VWA8: variants seen among roughly 807,000 people sequenced by gnomAD.
VWA8 encodes the protein von Willebrand factor A domain containing 8, also known as von Willebrand factor A domain-containing protein 8.
A neutral mutation model predicts 241.5 loss-of-function variants in VWA8; 221 were observed. The observed-to-expected ratio is 0.91, with a 90% CI of 0.82 to 1.02. The LOEUF (loss-of-function observed/expected upper bound fraction) is 1.02, where lower values mean the gene tolerates loss of function less well. Among genes scored for constraint, VWA8 ranks in the 50% least tolerant of loss-of-function variants. VWA8 has a pLI of 0.00. For missense variants in VWA8, 2,322 were observed against 2,328.7 expected, an observed-to-expected ratio of 1.00 and a Z score of 0.06; for synonymous variants, 852 against 827.1, an observed-to-expected ratio of 1.03 and a Z score of -0.52.
intron 17 of VWA8, among the ~76,000 whole-genome samples, chr13:41,808,343 C>A (rs181020676): frequency 6.6e-6 from 1 of 152,070 alleles, no homozygotes; most frequent in East Asian, 1.9e-4. Context: ...TGGTGCTGTA[C>A]AGGACACATG....
At chr13:41,792,165 C>G (rs1227302508) in intron 17 of VWA8, among the ~76,000 whole-genome samples, 1 of 151,812 alleles carries the variant, frequency 6.6e-6, no homozygotes, top group Non-Finnish European at 1.5e-5. Flanking sequence ...TCTATTCATT[C>G]TTTGCCCATT....
rs2044273056 is a variant in VWA8, at chr13:41,568,115, C to T, written c.*82G>A. 2 of 1,194,338 alleles carry T rather than the reference C, an allele frequency of 1.7e-6. No homozygotes were observed. The highest frequency in any genetic ancestry group is 2.5e-6 in the Non-Finnish European group (2 of 812,146). 74.0% of individuals were successfully genotyped at this position (1,194,338 alleles called of 1,614,324 possible). On this transcript the variant is annotated 3_prime_UTR_variant, in exon 45 of 45. Transcript: ENST00000379310. The stretch of plus-strand genomic sequence containing the variant: ...CAGTCACTGCATGGGTTCACTTCAT[C>T]CATATCTTCTTTTTTTCAGAATACT...
At chr13:41,850,127 T>A (rs934596935) in intron 12 of VWA8, among the ~76,000 whole-genome samples, 3 of 152,176 alleles carry the variant, frequency 2.0e-5, no homozygotes, top group Admixed American at 1.3e-4. Flanking sequence ...GATTCCTTGG[T>A]CATTTTACCT....
At chr13:41,821,343 G>T (rs781043892) in intron 14 of VWA8, among the ~76,000 whole-genome samples, 1 of 152,126 alleles carries the variant, frequency 6.6e-6, no homozygotes, top group African/African-American at 2.4e-5. Context: ...AACAGTCACC[G>T]AACTACTGAA....
intron 39 of VWA8, among the ~76,000 whole-genome samples, chr13:41,608,241 C>A (rs9566809): frequency 0.065 from 9,932 of 152,114 alleles, 410 homozygotes; most frequent in East Asian, 0.15. Context: ...AAACCATATT[C>A]CAGATTGTGT....
chr13:41,588,550 A>G (rs921371599), intron 41 of VWA8, among the ~76,000 whole-genome samples: 1 of 152,092 alleles, frequency 6.6e-6, no homozygotes, highest in Middle Eastern at 3.2e-3. Context: ...GCAAGAACTC[A>G]TCTCTACAAA....
intron 19 of VWA8, 27 bp from the exon 20 acceptor site, chr13:41,778,083 C>A (rs760338466): frequency 6.4e-7 from 1 of 1,556,224 alleles, no homozygotes; most frequent in Non-Finnish European, 8.7e-7. Context: ...TAGGGGTTAA[C>A]TGTTTTGTAC....
At chr13:41,703,468 A>G in intron 26 of VWA8, 57 bp from the exon 27 acceptor site, 1 of 1,471,364 alleles carries the variant, frequency 6.8e-7, no homozygotes, top group Non-Finnish European at 9.5e-7. Flanking sequence ...TCATAGAAAA[A>G]AATAACACGG....
intron 2 of VWA8, among the ~76,000 whole-genome samples, chr13:41,940,485 CA>C (rs1877548951): frequency 6.6e-6 from 1 of 151,452 alleles, no homozygotes; most frequent in Non-Finnish European, 1.5e-5. Context: ...AATCTCTAAT[CA>C]ATCAAGCAAC....
In VWA8 at chr13:41,568,153, C is replaced by T; in HGVS notation, c.*44G>A. 1 of 1,501,908 alleles carries T rather than the reference C, an allele frequency of 6.7e-7. No homozygotes were observed. Among genetic ancestry groups the T allele is most frequent in the South Asian group, 1.1e-5 (1 of 88,058 alleles). The allele number at this position is 1,501,908 out of a possible 1,614,324, so 93.0% of individuals were successfully genotyped here. A position where few individuals can be genotyped will look rare whatever the true frequency, so the allele number is the denominator to read the frequency against. On this transcript the variant is annotated 3_prime_UTR_variant, in exon 45 of 45. Transcript: ENST00000379310. ...TTTTCAGAATACTCTTTATTCCTGT[C>T]TTATTTCAAATCCTGGTGTCATCAG...
chr13:41,740,443 C>A (rs1435643489), intron 21 of VWA8, among the ~76,000 whole-genome samples: 1 of 152,216 alleles, frequency 6.6e-6, no homozygotes, highest in African/African-American at 2.4e-5. Context: ...TGAGCCAACA[C>A]TTTCAGGAAA....
At chr13:41,773,780 G>T (rs2137923861) in intron 20 of VWA8, among the ~76,000 whole-genome samples, 1 of 152,296 alleles carries the variant, frequency 6.6e-6, no homozygotes, top group East Asian at 1.9e-4. Flanking sequence ...TGCAAGCACA[G>T]GCAAAGTTAT....
At chr13:41,883,596 A>C in intron 8 of VWA8, 105 bp from the exon 9 acceptor site, 1 of 762,034 alleles carries the variant, frequency 1.3e-6, no homozygotes, top group Non-Finnish European at 2.2e-6. Context: ...AAAGTAACCA[A>C]TAGGTGTCTG....
rs530413156 is a variant in VWA8 at position 41,593,207 on chromosome 13, T to C, written c.4987-2442A>G. On this transcript the variant is annotated intron_variant, in intron 40 of 44. Coordinates refer to ENST00000379310, the MANE Select transcript of VWA8 (RefSeq NM_015058.2). ...GTTTTCTTGTTCCTGATACCCTTGC[T>C]GGAAACAGGGGCAAAATTACCATTT... 1.1e-4 allele frequency among the ~76,000 whole-genome samples: 17 copies of C among 152,328 alleles called. No individual in the cohort carries two copies. In the East Asian group the frequency reaches 2.3e-3, roughly 21 times the overall value.
intron 20 of VWA8, among the ~76,000 whole-genome samples, chr13:41,769,662 T>C (rs1027356963): frequency 6.6e-6 from 1 of 152,224 alleles, no homozygotes; most frequent in Non-Finnish European, 1.5e-5. Flanking sequence ...CAAAAAAGCA[T>C]GAGCTTTGGA....
intron 37 of VWA8, among the ~76,000 whole-genome samples, chr13:41,623,541 C>T (rs1422491939): frequency 4.6e-5 from 7 of 152,164 alleles, no homozygotes; most frequent in Admixed American, 2.6e-4. Flanking sequence ...CTACTTCTAA[C>T]GAGACATGCT....
chr13:41,784,903 AT>A (rs1304889874), intron 18 of VWA8, among the ~76,000 whole-genome samples: 1 of 150,926 alleles, frequency 6.6e-6, no homozygotes, highest in Non-Finnish European at 1.5e-5. Flanking sequence ...TTATGCAATT[AT>A]TTTGTAATAA....
rs944240629 is a variant in VWA8 at position 41,710,157 on chromosome 13, C to T, written c.3117-6746G>A. ...CATCTCAACGGCAATTTGCAAACTA[C>T]TATGGTAAATTTTCCCTTTGCATTC... On this transcript the variant is annotated intron_variant, in intron 26 of 44. Transcript: ENST00000379310. 9.2e-5 allele frequency among the ~76,000 whole-genome samples: 14 copies of T among 152,230 alleles called. 1 individual carries two copies. The highest frequency in any genetic ancestry group is 3.4e-4 in the African/African-American group (14 of 41,528).
At chr13:41,888,044 A>G (rs1420592055) in intron 5 of VWA8, among the ~76,000 whole-genome samples, 1 of 152,160 alleles carries the variant, frequency 6.6e-6, no homozygotes, top group African/African-American at 2.4e-5. Flanking sequence ...GTACACTTTT[A>G]CTAAATGTTA....
Sources: gnomAD v4.1 joint callset for allele counts (sites outside exome capture counted in the v4.1 genomes callset) on GRCh38, gnomAD v4.1.1 for gene constraint, MANE v1.5 for transcripts, NCBI Gene and HGNC (gene_info 2026-07-23, HGNC 2026-07-21) for gene names.